SCN10A: variants seen among roughly 807,000 people sequenced by gnomAD.
SCN10A encodes sodium channel protein type 10 subunit alpha.
In SCN10A, 162 loss-of-function variants were observed where a neutral mutation model predicts 170.7. That is an observed-to-expected ratio of 0.95 (90% CI 0.84 to 1.08). The LOEUF is 1.08. SCN10A is among the 50% of genes least tolerant of loss of function. The pLI is 0.00. For missense variants in SCN10A, 2,527 were observed against 2,436.9 expected (o/e 1.04, Z -0.78); for synonymous variants, 985 against 904.6 (o/e 1.09, Z -1.59).
At chr3:38,784,199 T>C (rs1358895728) in intron 4 of SCN10A, among the ~76,000 whole-genome samples, 1 of 152,154 alleles carries the variant, frequency 6.6e-6, no homozygotes, top group Non-Finnish European at 1.5e-5. Flanking sequence ...TAGTGCTTCT[T>C]GTGTCATATG....
At chr3:38,782,671 TCTC>T (rs2064152781) in intron 4 of SCN10A, among the ~76,000 whole-genome samples, 1 of 152,130 alleles carries the variant, frequency 6.6e-6, no homozygotes, top group African/African-American at 2.4e-5. Flanking sequence ...TGCTATATGA[TCTC>T]AACAATATTA....
intron 26 of SCN10A, among the ~76,000 whole-genome samples, chr3:38,706,384 T>C (rs2125985583): frequency 6.6e-6 from 1 of 152,340 alleles, no homozygotes; most frequent in Middle Eastern, 3.4e-3. Context: ...AATTGTGTCA[T>C]CAGCAATACC....
chr3:38,811,339 G>A (rs1452251871), intron 1 of SCN10A, among the ~76,000 whole-genome samples: 1 of 151,862 alleles, frequency 6.6e-6, no homozygotes, highest in Non-Finnish European at 1.5e-5. Context: ...TGTAATCCCA[G>A]CTACTCAGGA....
At chr3:38,778,857 C>T (rs573300647) in intron 4 of SCN10A, among the ~76,000 whole-genome samples, 2 of 152,036 alleles carry the variant, frequency 1.3e-5, no homozygotes, top group East Asian at 1.9e-4. Context: ...TCATCCAATA[C>T]CTGTCACATA....
In SCN10A at chr3:38,726,645, A is replaced by G; in HGVS notation, c.3048T>C (p.Asp1016=). Reference sequence around the variant, plus strand: ...TCACTTCCTGCTGGAAGCTCTGAGCATCTTCCCCACCATCATCCTCCAAGT... The same window carrying G: ...TCACTTCCTGCTGGAAGCTCTGAGCGTCTTCCCCACCATCATCCTCCAAGT... ...LDDLEDDGGE[D]AQSFQQEVIP... The change falls in exon 17 of 28, where the codon GAT becomes GAC. Residue 1016 remains aspartate (D), a synonymous_variant. Transcript: ENST00000449082. 1.3e-5 allele frequency: 21 copies of G among 1,601,820 alleles called. No individual in the cohort carries two copies. The highest frequency in any genetic ancestry group is 1.8e-5 in the Non-Finnish European group (21 of 1,170,334).
intron 1 of SCN10A, among the ~76,000 whole-genome samples, chr3:38,809,720 A>C (rs188655957): frequency 1.0e-3 from 155 of 152,294 alleles, no homozygotes; most frequent in African/African-American, 3.6e-3. Flanking sequence ...GTGTATAATG[A>C]GGCCCTTCTA....
chr3:38,718,374 A>G (rs760385297), intron 21 of SCN10A, among the ~76,000 whole-genome samples: 1 of 152,228 alleles, frequency 6.6e-6, no homozygotes, highest in Admixed American at 6.5e-5. Context: ...TGCATGTGTC[A>G]TCTCACTTTG....
intron 13 of SCN10A, among the ~76,000 whole-genome samples, chr3:38,749,004 G>A (rs1260380774): frequency 1.3e-5 from 2 of 152,292 alleles, no homozygotes; most frequent in East Asian, 3.9e-4. Context: ...TGGAGATCCA[G>A]CTGTGAGCAA....
chr3:38,796,368 C>T (rs1367878381), intron 1 of SCN10A, among the ~76,000 whole-genome samples: 3 of 152,142 alleles, frequency 2.0e-5, no homozygotes, highest in Non-Finnish European at 4.4e-5. Context: ...ACTGCTGGTC[C>T]AATCACTGTC....
Position 38,701,956 on chromosome 3 carries a change from A to C in SCN10A, c.4540T>G (p.Phe1514Val), listed in dbSNP as rs776552739. 10 of 1,614,148 alleles carry C rather than the reference A, an allele frequency of 6.2e-6. No individual in the cohort carries two copies. The highest frequency in any genetic ancestry group is 8.5e-6 in the Non-Finnish European group (10 of 1,180,034). The change falls in exon 27 of 28, where the codon TTC (phenylalanine) becomes GTC (valine). Residue 1514 changes from phenylalanine to valine, a missense_variant. Physicochemically the swap from Phe to Val is conservative, Grantham distance 50. Coordinates refer to ENST00000449082, the MANE Select transcript of SCN10A (RefSeq NM_006514.4). The stretch of plus-strand genomic sequence containing the variant: ...TCGCCTGTGAAGACGGCCACAAAGA[A>C]CTGGTTGATTTTGCCCAGAATTTTC... ...KTKILGKINQ[F>V]FVAVFTGECV...
intron 15 of SCN10A, among the ~76,000 whole-genome samples, chr3:38,735,169 CAAAAAAAAA>C (rs543574832): frequency 2.6e-5 from 2 of 76,166 alleles, no homozygotes; most frequent in Admixed American, 2.9e-4. Context: ...GACTCTGTCT[CAAAAAAAAA>C]AAAAAAAAAA....
intron 4 of SCN10A, among the ~76,000 whole-genome samples, chr3:38,776,694 G>A (rs1380672708): frequency 1.3e-5 from 2 of 152,090 alleles, no homozygotes; most frequent in Non-Finnish European, 2.9e-5. Flanking sequence ...GATGGAGAGA[G>A]ATGAATTGCT....
rs7617919 is a variant in SCN10A, at chr3:38,752,498, G to A, written c.1476C>T (p.Leu492=). 378,078 of 1,588,222 alleles carry A rather than the reference G, an allele frequency of 0.24. 47,347 individuals carry two copies. The highest frequency in any genetic ancestry group is 0.42 in the East Asian group (18,614 of 43,968). The part of the protein sequence containing the change: ...YNQRRMSFLG[L]ASGKRRASHG... ...GACTAGCCCGGCGTTTTCCAGAGGCGAGGCCTAGAAAAGACTGGGCATTGC... is the reference window on the plus strand; with the variant it reads ...GACTAGCCCGGCGTTTTCCAGAGGCAAGGCCTAGAAAAGACTGGGCATTGC... The change falls in exon 12 of 28, where the codon CTC becomes CTT. Residue 492 remains leucine (L), a synonymous_variant. Transcript: ENST00000449082.
chr3:38,705,967 A>AGG (rs2063206475), intron 26 of SCN10A, among the ~76,000 whole-genome samples: 1 of 152,082 alleles, frequency 6.6e-6, no homozygotes, highest in African/African-American at 2.4e-5. Flanking sequence ...TTGTTGATGG[A>AGG]GGGATACTCA....
intron 23 of SCN10A, among the ~76,000 whole-genome samples, chr3:38,711,919 AG>A (rs1374616003): frequency 1.3e-5 from 2 of 152,170 alleles, no homozygotes; most frequent in African/African-American, 2.4e-5. Context: ...ATCCCATGGC[AG>A]GCCCATCCCT....
intron 1 of SCN10A, among the ~76,000 whole-genome samples, chr3:38,813,032 CAAAT>C (rs569447854): frequency 1.4e-4 from 22 of 152,106 alleles, no homozygotes. Context: ...GACCCTGTCT[CAAAT>C]AAATAAATAA....
rs201068959 is a variant in SCN10A, at chr3:38,728,732, C to T, written c.2450G>A (p.Arg817Gln). 3.3e-5 allele frequency: 53 copies of T among 1,614,028 alleles called. No homozygotes were observed. The East Asian group carries it at 3.3e-4, about 10-fold the overall frequency. ...TTCATGGGGCGCGGAGATATTTTTT[C>T]GGTTGTTACGGTAGTTTTCCCCTAG... ...QLLGENYRNN[R>Q]KNISAPHEDW... The change falls in exon 16 of 28, where the codon CGA (arginine) becomes CAA (glutamine). Residue 817 changes from arginine (R) to glutamine (Q), a missense_variant. Coordinates refer to ENST00000449082, the MANE Select transcript of SCN10A (RefSeq NM_006514.4).
chr3:38,804,219 C>A (rs1055132907), intron 1 of SCN10A, among the ~76,000 whole-genome samples: 1 of 152,048 alleles, frequency 6.6e-6, no homozygotes, highest in Non-Finnish European at 1.5e-5. Context: ...ACAATATTGC[C>A]TCTGTTTTTC....
At chr3:38,792,298 T>C in intron 2 of SCN10A, 130 bp from the exon 3 acceptor site, 1 of 1,175,816 alleles carries the variant, frequency 8.5e-7, no homozygotes, top group Non-Finnish European at 1.2e-6. Flanking sequence ...TACAGGTCAA[T>C]GAGAGTCAAA....
Sources: allele counts gnomAD v4.1 joint callset (sites outside exome capture counted in the v4.1 genomes callset), GRCh38; gene constraint gnomAD v4.1.1; transcripts MANE v1.5; gene names NCBI Gene and HGNC (gene_info 2026-07-23, HGNC 2026-07-21).